PLEKHG4B: variants seen among roughly 807,000 people sequenced by gnomAD.
The protein encoded by PLEKHG4B is pleckstrin homology domain-containing family G member 4B.
PLEKHG4B carries 111 observed loss-of-function variants against 121.3 expected under a neutral mutation model. The ratio of observed to expected loss-of-function variants is 0.92; its 90% confidence interval spans 0.78 to 1.07. The LOEUF (loss-of-function observed/expected upper bound fraction) is 1.07. Ranked by LOEUF, PLEKHG4B falls within the 50% of genes least tolerant of loss-of-function variation. The pLI is 0.00. For synonymous variants in PLEKHG4B, 738 were observed against 725.0 expected (o/e 1.02, Z -0.29); for missense variants, 1,831 against 1,757.8 (o/e 1.04, Z -0.74).
At chr5:175,183 G>A (rs1371363403) in intron 18 of PLEKHG4B, among the ~76,000 whole-genome samples, 5 of 151,930 alleles carry the variant, frequency 3.3e-5, no homozygotes, top group South Asian at 2.1e-4. Flanking sequence ...TCTGGCCCCC[G>A]TGGCCCTGGG....
At chr5:108,361 C>T (rs879895397) in intron 1 of PLEKHG4B, among the ~76,000 whole-genome samples, 7 of 152,194 alleles carry the variant, frequency 4.6e-5, no homozygotes, top group Admixed American at 1.3e-4. Flanking sequence ...CAACTTCGGG[C>T]CAACGGAACT....
At chr5:171,542 G>A (rs1206526897) in intron 16 of PLEKHG4B, 98 bp downstream of exon 16, 12 of 1,211,008 alleles carry the variant, frequency 9.9e-6, no homozygotes, top group Non-Finnish European at 1.1e-5. Flanking sequence ...TCTTGGTGAT[G>A]TGCTGGCAGA....
intron 13 of PLEKHG4B, among the ~76,000 whole-genome samples, chr5:167,468 G>T (rs1736389753): frequency 7.2e-6 from 1 of 138,406 alleles, no homozygotes; most frequent in Non-Finnish European, 1.7e-5. Context: ...ACTCCCATTG[G>T]TATCATCAGG....
chr5:147,848 C>G (rs924029576), intron 6 of PLEKHG4B, among the ~76,000 whole-genome samples: 1 of 152,124 alleles, frequency 6.6e-6, no homozygotes, highest in African/African-American at 2.4e-5. Flanking sequence ...CAACAAAATA[C>G]TAGCAAATCA....
intron 7 of PLEKHG4B, among the ~76,000 whole-genome samples, chr5:152,767 TC>T (rs1463883910): frequency 2.6e-5 from 4 of 152,130 alleles, no homozygotes; most frequent in Non-Finnish European, 4.4e-5. Context: ...CAAATTTTAA[TC>T]CCCACGTGTG....
In PLEKHG4B at chr5:92,281, G is replaced by C; in HGVS notation, c.45+5G>C. 1 of 254,754 alleles carries C rather than the reference G, an allele frequency of 3.9e-6. No individual in the cohort carries two copies. The highest frequency in any genetic ancestry group is 6.6e-6 in the Non-Finnish European group (1 of 151,336). The allele number at this position is 254,754 out of a possible 1,614,324, so 15.8% of individuals were successfully genotyped here. A position where few individuals can be genotyped will look rare whatever the true frequency, so the allele number is the denominator to read the frequency against. On this transcript the variant is annotated splice_donor_5th_base_variant and intron_variant, in intron 1 of 19. Coordinates refer to ENST00000637938, the MANE Select transcript of PLEKHG4B (RefSeq NM_052909.5). ...GGGGGCGGCCCAGGCGCCCGGGTAAGAGGGGGCACGGGGACTGCGGCGGGT... is the reference window on the plus strand; with the variant it reads ...GGGGGCGGCCCAGGCGCCCGGGTAACAGGGGGCACGGGGACTGCGGCGGGT...
Position 144,829 on chromosome 5 carries a change from A to G in PLEKHG4B, c.1814A>G (p.Lys605Arg). 1 of 1,612,890 alleles carries G rather than the reference A, an allele frequency of 6.2e-7. No homozygotes were observed. The highest frequency in any genetic ancestry group is 2.2e-5 in the East Asian group (1 of 44,872). The change falls in exon 6 of 20, where the codon AAA (lysine) becomes AGA (arginine). Residue 605 changes from lysine (K) to arginine (R), a missense_variant and splice_region_variant. Lys to Arg is a conservative substitution (Grantham distance 26). Transcript: ENST00000637938. ...LLLYFHSIPR[K>R]EVRDLGLVVL... is the part of the protein sequence containing the mutation. ...ATGGGCTGTCTTTCCCTCCCCAGGA[A>G]AGAGGTCCGGGACCTGGGGCTGGTT...
chr5:164,028 C>T (rs12514020), intron 13 of PLEKHG4B, among the ~76,000 whole-genome samples: 82,904 of 152,158 alleles, frequency 0.54, 22,893 homozygotes, highest in South Asian at 0.61. Context: ...TAAGGGTGGG[C>T]GCACTCGGCC....
intron 5 of PLEKHG4B, 132 bp from the exon 6 acceptor site, chr5:144,695 A>T: frequency 1.4e-6 from 1 of 696,720 alleles, no homozygotes; most frequent in Non-Finnish European, 2.4e-6. Context: ...TGGAAGGTTG[A>T]TGTGTATAGA....
At position 156,776 on chromosome 5, in the gene PLEKHG4B, C is replaced by T. The variant is rs1290806654; in HGVS notation, c.2352C>T (p.Asp784=). 6.4e-7 allele frequency: 1 copy of T among 1,551,826 alleles called. No individual in the cohort carries two copies. The highest frequency in any genetic ancestry group is 8.7e-7 in the Non-Finnish European group (1 of 1,147,348). The change falls in exon 11 of 20, where the codon GAC becomes GAT. Residue 784 remains aspartate, a synonymous_variant. Coordinates refer to ENST00000637938, the MANE Select transcript of PLEKHG4B (RefSeq NM_052909.5). This position sits in a 1 kb window ranked among gnomAD's most constrained non-coding sequence, Gnocchi z 4.4. ...REELGTEDSR[D]TLEAATSLYD... ...AGGACTGCCTTCTCTTCCTCAGGGA[C>T]ACCCTGGAGGCCGCCACAAGCCTGT...
Position 143,270 on chromosome 5 carries a change from C to G in PLEKHG4B, c.1687+14C>G, listed in dbSNP as rs747305233. 2.2e-5 allele frequency: 35 copies of G among 1,609,316 alleles called. No individual in the cohort carries two copies. Among genetic ancestry groups the G allele is most frequent in the Middle Eastern group, 1.6e-4 (1 of 6,082 alleles). ...TCACCCTCCCAGGTGAGAGCACATGCCAGGCTCTCCTGTCAGGGCGGATCT... is the reference window on the plus strand; with the variant it reads ...TCACCCTCCCAGGTGAGAGCACATGGCAGGCTCTCCTGTCAGGGCGGATCT... On this transcript the variant is annotated intron_variant, in intron 4 of 19. Coordinates refer to ENST00000637938, the MANE Select transcript of PLEKHG4B (RefSeq NM_052909.5).
rs1177901481 is a variant in PLEKHG4B, at chr5:156,142, T to C, written c.2280T>C (p.Ser760=). 1.8e-5 allele frequency: 28 copies of C among 1,596,056 alleles called. No individual in the cohort carries two copies. Among genetic ancestry groups the C allele is most frequent in the Non-Finnish European group, 2.4e-5 (28 of 1,171,460 alleles). Residue 760 remains serine (S), a synonymous_variant, in exon 10 of 20, where the codon TCT becomes TCC. Transcript: ENST00000637938. The surrounding 1 kb of genome is among the most constrained non-coding windows in gnomAD (Gnocchi z 4.4). ...TCCTGGAAGACCCACTGCTTGTGTC[T>C]CTCAGGCTGGAGGGGGGCACCGTCC... ...KLVLEDPLLV[S]LRLEGGTVLA...
At chr5:110,417 T>C (rs1284734747) in intron 1 of PLEKHG4B, among the ~76,000 whole-genome samples, 1 of 145,396 alleles carries the variant, frequency 6.9e-6, no homozygotes, top group African/African-American at 2.6e-5. Context: ...ACCCACACAA[T>C]CTGCAACACA....
At chr5:147,431 A>C (rs1438157440) in intron 6 of PLEKHG4B, among the ~76,000 whole-genome samples, 2 of 152,234 alleles carry the variant, frequency 1.3e-5, no homozygotes, top group Non-Finnish European at 2.9e-5. Flanking sequence ...AACAGATGCT[A>C]GGGGAGGAAA....
chr5:158,058 C>T (rs1735851153), intron 11 of PLEKHG4B, among the ~76,000 whole-genome samples: 1 of 152,178 alleles, frequency 6.6e-6, no homozygotes, highest in African/African-American at 2.4e-5. Context: ...GGAACAGGAA[C>T]CCCACACCAG....
rs773984036 is a variant in PLEKHG4B at position 156,845 on chromosome 5, G to C, written c.2421G>C (p.Ser807=). Residue 807 remains serine, a synonymous_variant, in exon 11 of 20, where the codon TCG becomes TCC. Coordinates refer to ENST00000637938, the MANE Select transcript of PLEKHG4B (RefSeq NM_052909.5). The surrounding 1 kb of genome is among the most constrained non-coding windows in gnomAD (Gnocchi z 4.4). The stretch of plus-strand genomic sequence containing the variant: ...AGGTGCACAGGCTGGTCCTCACCTC[G>C]AACAATCGTCTCCAGCAGCTGGAGC... ...DEEVHRLVLT[S]NNRLQQLEHL... is the part of the protein sequence containing the mutation. 9.6e-5 allele frequency: 154 copies of C among 1,604,486 alleles called. No individual in the cohort carries two copies. Among genetic ancestry groups the C allele is most frequent in the Non-Finnish European group, 1.3e-4 (148 of 1,176,356 alleles).
At position 92,173 on chromosome 5, in the gene PLEKHG4B, A is replaced by C; in HGVS notation, c.-59A>C. On this transcript the variant is annotated 5_prime_UTR_variant, in exon 1 of 20. Transcript: ENST00000637938. ...GGCGAAGGCGGCCTCGGCCCAGTGC[A>C]CAGCGGGACCAGGCAGAGTTCGGGG... 2 of 369,038 alleles carry C rather than the reference A, an allele frequency of 5.4e-6. No individual in the cohort carries two copies. Among genetic ancestry groups the C allele is most frequent in the East Asian group, 3.9e-5 (1 of 25,712 alleles). The allele number at this position is 369,038 out of a possible 1,614,324, so 22.9% of individuals were successfully genotyped here. A position where few individuals can be genotyped will look rare whatever the true frequency, so the allele number is the denominator to read the frequency against.
intron 11 of PLEKHG4B, among the ~76,000 whole-genome samples, chr5:158,601 G>A (rs1407279699): frequency 4.5e-5 from 4 of 89,696 alleles, no homozygotes; most frequent in African/African-American, 1.3e-4. Context: ...TCCCCTCCTC[G>A]TTCTACTCCG....
chr5:131,393 A>G (rs9312773), intron 2 of PLEKHG4B, among the ~76,000 whole-genome samples: 27,789 of 152,076 alleles, frequency 0.18, 3,462 homozygotes, highest in African/African-American at 0.35. Context: ...AGTTTGCTGA[A>G]AATGATGGTT....
Sources: gnomAD v4.1 joint callset for allele counts (sites outside exome capture counted in the v4.1 genomes callset) on GRCh38, gnomAD v4.1.1 for gene constraint, Gnocchi (gnomAD v3.1) non-coding constraint, MANE v1.5 for transcripts, NCBI Gene and HGNC (gene_info 2026-07-23, HGNC 2026-07-21) for gene names.